The following ADGRB3 variants were observed in gnomAD, a reference collection of about 807,000 sequenced individuals.
The protein encoded by ADGRB3 is brain-specific angiogenesis inhibitor 3.
ADGRB3 carries 37 observed loss-of-function variants against 193.4 expected under a neutral mutation model. The ratio of observed to expected loss-of-function variants is 0.19; its 90% CI spans 0.15 to 0.25. The LOEUF is 0.25. Ranked by LOEUF, ADGRB3 falls within the 10% of genes least tolerant of loss-of-function variation. The pLI is 1.00. For missense variants in ADGRB3, 1,637 were observed against 1,852.9 expected, an observed-to-expected ratio of 0.88 and a Z score of 2.14; for synonymous variants, 690 against 644.2, an observed-to-expected ratio of 1.07 and a Z score of -1.08.
chr6:69,224,077 A>C (rs766902238), intron 17 of ADGRB3, among the ~76,000 whole-genome samples: 12 of 151,962 alleles, frequency 7.9e-5, no homozygotes, highest in Non-Finnish European at 1.8e-4. Flanking sequence ...ATAATTTGTC[A>C]CCCTGAGATA....
intron 13 of ADGRB3, among the ~76,000 whole-genome samples, chr6:69,031,527 TTC>T (rs1180101324): frequency 2.0e-5 from 1 of 51,276 alleles, no homozygotes; most frequent in African/African-American, 4.8e-5. Flanking sequence ...GTCTCTTTCT[TTC>T]TTTCTTTCTT....
intron 20 of ADGRB3, among the ~76,000 whole-genome samples, chr6:69,298,762 CTT>C (rs1767888406): frequency 6.6e-6 from 1 of 151,834 alleles, no homozygotes; most frequent in African/African-American, 2.4e-5. Flanking sequence ...ATTAATATGA[CTT>C]TTTAAACTAT....
chr6:69,068,922 G>A (rs1285922834), intron 16 of ADGRB3, among the ~76,000 whole-genome samples: 1 of 151,948 alleles, frequency 6.6e-6, no homozygotes, highest in Non-Finnish European at 1.5e-5. Flanking sequence ...TTCTGCTTTA[G>A]CTAAAGCCAA....
intron 3 of ADGRB3, among the ~76,000 whole-genome samples, chr6:68,707,679 G>A (rs1038471187): frequency 8.5e-5 from 13 of 152,206 alleles, no homozygotes; most frequent in African/African-American, 3.1e-4. Context: ...TCAATTCACA[G>A]TAATCACAAT....
At chr6:69,059,867 C>T (rs1004144023) in intron 15 of ADGRB3, among the ~76,000 whole-genome samples, 4 of 152,076 alleles carry the variant, frequency 2.6e-5, no homozygotes, top group Non-Finnish European at 4.4e-5. Flanking sequence ...AAAATTTTGA[C>T]ATTTTTGTTT....
intron 28 of ADGRB3, 133 bp from the exon 29 acceptor site, chr6:69,360,736 T>A: frequency 4.5e-6 from 4 of 894,964 alleles, no homozygotes; most frequent in Non-Finnish European, 6.6e-6. Flanking sequence ...AATTGATATG[T>A]ATTTTTTTTA....
chr6:68,974,367 A>C (rs892747904), intron 8 of ADGRB3, among the ~76,000 whole-genome samples: 35 of 152,202 alleles, frequency 2.3e-4, no homozygotes, highest in Non-Finnish European at 5.9e-5. Flanking sequence ...CATTAAAGCA[A>C]ATGAAAGAGC....
intron 20 of ADGRB3, among the ~76,000 whole-genome samples, chr6:69,305,155 T>C (rs548840252): frequency 6.6e-6 from 1 of 151,722 alleles, no homozygotes; most frequent in African/African-American, 2.4e-5. Context: ...GTTAGCACAG[T>C]GCCTGGCAGA....
intron 3 of ADGRB3, among the ~76,000 whole-genome samples, chr6:68,911,819 T>A (rs1766719759): frequency 6.6e-6 from 1 of 152,096 alleles, no homozygotes; most frequent in African/African-American, 2.4e-5. Context: ...TTACTTTTTT[T>A]TTTTTTTTGC....
At chr6:68,731,955 T>A (rs1449909178) in intron 3 of ADGRB3, among the ~76,000 whole-genome samples, 1 of 151,702 alleles carries the variant, frequency 6.6e-6, no homozygotes, top group Admixed American at 6.6e-5. Context: ...GAGGTTGTTT[T>A]TTCTATTATT....
intron 3 of ADGRB3, among the ~76,000 whole-genome samples, chr6:68,740,135 T>C (rs568671478): frequency 6.6e-6 from 1 of 152,344 alleles, no homozygotes; most frequent in East Asian, 1.9e-4. Context: ...AATTTTCTGA[T>C]AATTAATAAA....
intron 13 of ADGRB3, among the ~76,000 whole-genome samples, chr6:69,043,682 G>C (rs1461899519): frequency 1.3e-5 from 2 of 152,166 alleles, no homozygotes; most frequent in East Asian, 1.9e-4. Context: ...CTCAGCTCTT[G>C]ATAGTAACAT....
At chr6:69,134,300 G>A (rs976691259) in intron 17 of ADGRB3, among the ~76,000 whole-genome samples, 2 of 151,886 alleles carry the variant, frequency 1.3e-5, no homozygotes, top group Admixed American at 1.3e-4. Flanking sequence ...GAGGGTTCAG[G>A]GTAAATCCTA....
chr6:69,137,360 A>G (rs1353575687), intron 17 of ADGRB3, among the ~76,000 whole-genome samples: 1 of 149,696 alleles, frequency 6.7e-6, no homozygotes, highest in Non-Finnish European at 1.5e-5. Context: ...TGAACTTAAC[A>G]TTTTCTGTGT....
intron 3 of ADGRB3, among the ~76,000 whole-genome samples, chr6:68,766,381 G>T (rs925083312): frequency 6.6e-6 from 1 of 151,784 alleles, no homozygotes; most frequent in African/African-American, 2.4e-5. Flanking sequence ...AGGACCATAC[G>T]TATATTGACC....
At chr6:69,237,313 AT>A (rs1332687806) in intron 19 of ADGRB3, among the ~76,000 whole-genome samples, 13 of 152,142 alleles carry the variant, frequency 8.5e-5, no homozygotes, top group African/African-American at 2.9e-4. Context: ...CATCTCAAGT[AT>A]TTTATACATA....
rs546153112 is a variant in ADGRB3 at position 69,110,266 on chromosome 6, T to G, written c.2480+34228T>G. Among the ~76,000 whole-genome samples the G allele has an allele frequency of 3.9e-5, 6 of 152,264 alleles. No homozygotes were observed. The South Asian group carries it at 1.2e-3, about 32-fold the overall frequency. On this transcript the variant is annotated intron_variant, in intron 17 of 31. Coordinates refer to ENST00000370598, the MANE Select transcript of ADGRB3 (RefSeq NM_001704.3). ...TAAATCAGATGAACTATTATTATAT[T>G]TTTGAGGTTGTAGTTTTAACTCTAT... is the stretch of plus-strand genomic sequence containing the variant.
intron 4 of ADGRB3, among the ~76,000 whole-genome samples, chr6:68,933,246 T>C (rs1382151532): frequency 1.3e-5 from 2 of 152,116 alleles, no homozygotes. Context: ...TTCATTACCG[T>C]GAGGAAAATA....
At chr6:68,880,521 C>G (rs1195212814) in intron 3 of ADGRB3, among the ~76,000 whole-genome samples, 3 of 152,156 alleles carry the variant, frequency 2.0e-5, no homozygotes, top group Non-Finnish European at 2.9e-5. Context: ...TTCCATCTAG[C>G]AACACTCCTA....
Sources: gnomAD v4.1 joint callset for allele counts (sites outside exome capture counted in the v4.1 genomes callset) on GRCh38, gnomAD v4.1.1 for gene constraint, MANE v1.5 for transcripts, NCBI Gene and HGNC (gene_info 2026-07-23, HGNC 2026-07-21) for gene names.